LMF1: variants seen among roughly 807,000 people sequenced by gnomAD.
LMF1 encodes the protein transmembrane protein 112.
In LMF1, 68 loss-of-function variants were observed where a neutral mutation model predicts 60.6. That is an observed-to-expected ratio of 1.12 (90% CI 0.92 to 1.37). LMF1 has a LOEUF of 1.37. Among genes scored for constraint, LMF1 ranks in the 40% most tolerant of loss-of-function variants. The pLI, the probability that LMF1 is intolerant of heterozygous loss-of-function variation, is 0.00. For synonymous variants in LMF1, 418 were observed against 324.7 expected, an observed-to-expected ratio of 1.29 and a Z score of -3.09; for missense variants, 948 against 767.2, an observed-to-expected ratio of 1.24 and a Z score of -2.78.
chr16:945,610 G>C (rs1567290126), intron 2 of LMF1, among the ~76,000 whole-genome samples: 1 of 152,016 alleles, frequency 6.6e-6, no homozygotes. Context: ...AAATGTGAAA[G>C]AGATTTAGGT....
At chr16:855,674 A>G (rs1162735094) in intron 10 of LMF1, 16 of 455,594 alleles carry the variant, frequency 3.5e-5, no homozygotes, top group Non-Finnish European at 1.8e-5. Context: ...TCCATGGCAG[A>G]GCTGGGCCCC....
At position 917,314 on chromosome 16, in the gene LMF1, C is replaced by T. The variant is rs966156490; in HGVS notation, c.515-6235G>A. 9.0e-5 allele frequency among the ~76,000 whole-genome samples: 9 copies of T among 99,886 alleles called. 1 individual carries two copies. In the South Asian group the frequency reaches 1.4e-3, roughly 15 times the overall value. 65.5% of individuals were successfully genotyped at this position (99,886 alleles called of 152,430 possible). ...TGCACTGCGGGCGGGCACAGGCCCA[C>T]GTGAAGAAATGCCACATGTGTGCAC... is the stretch of plus-strand genomic sequence containing the variant. On this transcript the variant is annotated intron_variant, in intron 3 of 10. Coordinates refer to ENST00000262301, the MANE Select transcript of LMF1 (RefSeq NM_022773.4).
At chr16:939,724 G>A (rs2072044461) in intron 2 of LMF1, among the ~76,000 whole-genome samples, 1 of 152,220 alleles carries the variant, frequency 6.6e-6, no homozygotes, top group African/African-American at 2.4e-5. Context: ...GATTTGACGG[G>A]AAGTAAAAAA....
intron 10 of LMF1, among the ~76,000 whole-genome samples, chr16:861,148 A>G (rs1279770476): frequency 6.6e-6 from 1 of 152,078 alleles, no homozygotes; most frequent in Non-Finnish European, 1.5e-5. Context: ...TTTCAGCAGC[A>G]TTGCTGAGTT....
At chr16:895,892 C>A in intron 4 of LMF1, among the ~76,000 whole-genome samples, 2 of 122,040 alleles carry the variant, frequency 1.6e-5, no homozygotes, top group South Asian at 3.2e-4. Flanking sequence ...GCAGGCTGCA[C>A]GGTCCACAGA....
Position 962,370 on chromosome 16 carries a change from C to A in LMF1, c.194-7704G>T, listed in dbSNP as rs1346368421. Reference sequence around the variant, plus strand: ...AGATCTTCCTCACAGAGGAATTCCACATAATGTCCGCAGACACTCCCTTCA... The same window carrying A: ...AGATCTTCCTCACAGAGGAATTCCAAATAATGTCCGCAGACACTCCCTTCA... On this transcript the variant is annotated intron_variant, in intron 1 of 10. Transcript: ENST00000262301. This position sits in a 1 kb window ranked among gnomAD's most constrained non-coding sequence, Gnocchi z 4.5. Among the ~76,000 whole-genome samples, 1 of 152,256 alleles carries A rather than the reference C, an allele frequency of 6.6e-6. No homozygotes were observed. Among genetic ancestry groups the A allele is most frequent in the Non-Finnish European group, 1.5e-5 (1 of 68,048 alleles).
intron 2 of LMF1, among the ~76,000 whole-genome samples, chr16:939,192 A>T (rs2151793112): frequency 6.6e-6 from 1 of 152,342 alleles, no homozygotes; most frequent in African/African-American, 2.4e-5. Flanking sequence ...TTTCACTTAA[A>T]AACTCTCAGT....
At chr16:948,209 C>A (rs1294938069) in intron 2 of LMF1, among the ~76,000 whole-genome samples, 5 of 142,506 alleles carry the variant, frequency 3.5e-5, no homozygotes, top group Non-Finnish European at 1.5e-5. Flanking sequence ...CAGAGTCAGC[C>A]AATGACAGAG....
At chr16:954,874 G>A (rs375292668) in intron 1 of LMF1, among the ~76,000 whole-genome samples, 21 of 151,816 alleles carry the variant, frequency 1.4e-4, no homozygotes, top group Non-Finnish European at 2.4e-4. Flanking sequence ...CAGCAGACGC[G>A]GTGTGTGCAT....
chr16:868,605 C>T (rs1462424208), intron 10 of LMF1, among the ~76,000 whole-genome samples: 2 of 152,210 alleles, frequency 1.3e-5, no homozygotes, highest in Non-Finnish European at 2.9e-5. Flanking sequence ...CTTCTTGCCT[C>T]TCCAGGCCAG....
intron 6 of LMF1, among the ~76,000 whole-genome samples, chr16:877,390 C>T (rs932138996): frequency 3.9e-5 from 6 of 152,310 alleles, no homozygotes; most frequent in East Asian, 3.9e-4. Context: ...GAGACCCTGG[C>T]GGCGCAGGTG....
chr16:856,652 G>T (rs887883520), intron 10 of LMF1, among the ~76,000 whole-genome samples: 1 of 152,222 alleles, frequency 6.6e-6, no homozygotes, highest in Non-Finnish European at 1.5e-5. Context: ...CTGCAGTTTG[G>T]AAAGGGTTTT....
At chr16:966,088 G>A (rs929423571) in intron 1 of LMF1, among the ~76,000 whole-genome samples, 1 of 152,186 alleles carries the variant, frequency 6.6e-6, no homozygotes, top group African/African-American at 2.4e-5. Context: ...CTGAAGGCCA[G>A]AAGGGTGTCG....
rs1278925988 is a variant in LMF1 at position 934,260 on chromosome 16, A to G, written c.504-6T>C. The G allele has an allele frequency of 6.3e-7, 1 of 1,599,354 alleles. No individual in the cohort carries two copies. The highest frequency in any genetic ancestry group is 1.7e-5 in the Admixed American group (1 of 60,024). The stretch of plus-strand genomic sequence containing the variant: ...CTCACTTACCGAAAGAGTACCTGAA[A>G]AACAAAAGAAGAAACGAGTATTAAC... On this transcript the variant is annotated splice_region_variant and splice_polypyrimidine_tract_variant and intron_variant, in intron 2 of 10. Transcript: ENST00000262301.
At chr16:975,703 T>C (rs770813688), upstream of LMF1, 122 of 427,646 alleles carry the variant, frequency 2.9e-4, no homozygotes, top group Non-Finnish European at 5.1e-4. Flanking sequence ...CCTGAGGGCA[T>C]CTTAATTAAG....
At position 853,884 on chromosome 16, in the gene LMF1, G is replaced by A. The variant is rs1374072288; in HGVS notation, c.*648C>T. 4.4e-6 allele frequency: 2 copies of A among 453,984 alleles called. No individual in the cohort carries two copies. Among genetic ancestry groups the A allele is most frequent in the African/African-American group, 4.0e-5 (2 of 49,992 alleles). The allele number at this position is 453,984 out of a possible 1,614,324, so 28.1% of individuals were successfully genotyped here. On this transcript the variant is annotated 3_prime_UTR_variant, in exon 11 of 11. Coordinates refer to ENST00000262301, the MANE Select transcript of LMF1 (RefSeq NM_022773.4). Reference sequence around the variant, plus strand: ...ACCTCACAGACACCAGTCATGGGGGGATGAAACCGGGCCAAGAACACATGT... The same window carrying A: ...ACCTCACAGACACCAGTCATGGGGGAATGAAACCGGGCCAAGAACACATGT...
At chr16:952,494 C>G (rs1172667963) in intron 2 of LMF1, 1 of 152,596 alleles carries the variant, frequency 6.6e-6, no homozygotes, top group African/African-American at 2.4e-5. Flanking sequence ...CCCAGACACT[C>G]CAACCTCAAC....
At chr16:858,660 G>GC (rs202213776) in intron 10 of LMF1, among the ~76,000 whole-genome samples, 23 of 49,304 alleles carry the variant, frequency 4.7e-4, no homozygotes, top group African/African-American at 2.1e-3. Context: ...GGACGGGTGT[G>GC]AGTGGTGTCA....
At chr16:924,057 T>C (rs530162944) in intron 3 of LMF1, among the ~76,000 whole-genome samples, 13 of 152,346 alleles carry the variant, frequency 8.5e-5, no homozygotes, top group Admixed American at 3.3e-4. Context: ...GTTCACTATT[T>C]GGCTCAGCAG....
Sources: gnomAD v4.1 joint callset for allele counts (sites outside exome capture counted in the v4.1 genomes callset) on GRCh38, gnomAD v4.1.1 for gene constraint, Gnocchi (gnomAD v3.1) non-coding constraint, MANE v1.5 for transcripts, NCBI Gene and HGNC (gene_info 2026-07-23, HGNC 2026-07-21) for gene names.